The following NAV2 variants were observed in gnomAD, a reference collection of about 807,000 sequenced individuals.
NAV2 encodes neuron navigator 2.
A neutral mutation model predicts 223.2 loss-of-function variants in NAV2; 54 were observed. The ratio of observed to expected loss-of-function variants is 0.24; its 90% confidence interval spans 0.19 to 0.30. The LOEUF is 0.30. Ranked by LOEUF, NAV2 falls within the 10% of genes least tolerant of loss-of-function variation. The probability of loss-of-function intolerance (pLI) is 1.00; values close to 1 mark genes in which losing one functional copy is unlikely to be tolerated. For missense variants in NAV2, 2,806 were observed against 3,147.5 expected (o/e 0.89, Z 2.60); for synonymous variants, 1,279 against 1,239.3 (o/e 1.03, Z -0.67).
chr11:19,561,725 G>T (rs2045104880), intron 1 of NAV2, among the ~76,000 whole-genome samples: 1 of 152,178 alleles, frequency 6.6e-6, no homozygotes, highest in African/African-American at 2.4e-5. Flanking sequence ...TATACCACTT[G>T]GCATTGAATT....
intron 3 of NAV2, among the ~76,000 whole-genome samples, chr11:19,860,382 C>A (rs1217956792): frequency 2.7e-5 from 4 of 149,146 alleles, no homozygotes; most frequent in Admixed American, 2.0e-4. Context: ...ACGCTCCTCA[C>A]ATCCCGGACG....
intron 1 of NAV2, among the ~76,000 whole-genome samples, chr11:19,361,027 T>A (rs1853905564): frequency 6.6e-6 from 1 of 152,088 alleles, no homozygotes; most frequent in Admixed American, 6.6e-5. Flanking sequence ...GTTTCAATCC[T>A]GGCCTCAGAA....
Position 20,119,909 on chromosome 11 carries a change from CAA to C in NAV2, c.*1654_*1655del. On this transcript the variant is annotated 3_prime_UTR_variant, in exon 38 of 38. Coordinates refer to ENST00000349880, the MANE Select transcript of NAV2 (RefSeq NM_145117.5). Reference sequence around the variant, plus strand: ...ATGATCTGTCTGGTGCAGGAGAAGGCAAAAGTTTCTACAAGTCTACATGACCT... The same window carrying C: ...ATGATCTGTCTGGTGCAGGAGAAGGCAAGTTTCTACAAGTCTACATGACCT... The C allele has an allele frequency of 6.6e-6, 1 of 152,248 alleles. No homozygotes were observed. Among genetic ancestry groups the C allele is most frequent in the African/African-American group, 2.4e-5 (1 of 41,534 alleles). The allele number at this position is 152,248 out of a possible 1,614,324, so 9.4% of individuals were successfully genotyped here. A position where few individuals can be genotyped will look rare whatever the true frequency, so the allele number is the denominator to read the frequency against.
At chr11:19,547,699 C>T (rs965260395) in intron 1 of NAV2, among the ~76,000 whole-genome samples, 1 of 152,176 alleles carries the variant, frequency 6.6e-6, no homozygotes, top group South Asian at 2.1e-4. Flanking sequence ...AAGTAGGACC[C>T]CCTCTCTTCC....
intron 1 of NAV2, among the ~76,000 whole-genome samples, chr11:19,440,625 G>A (rs1851367832): frequency 6.6e-6 from 1 of 152,188 alleles, no homozygotes; most frequent in African/African-American, 2.4e-5. Context: ...ACTGTGTTAG[G>A]TTAAGTGCAG....
At chr11:19,956,645 G>T (rs1281199787) in intron 10 of NAV2, among the ~76,000 whole-genome samples, 1 of 152,122 alleles carries the variant, frequency 6.6e-6, no homozygotes, top group African/African-American at 2.4e-5. Context: ...ACGGTGTGGG[G>T]GCGGTGCAGA....
rs980450175 is a variant in NAV2 at position 19,714,148 on chromosome 11, C to T, written c.267+186C>T. On this transcript the variant is annotated intron_variant, in intron 1 of 37. Coordinates refer to ENST00000349880, the MANE Select transcript of NAV2 (RefSeq NM_145117.5). ...AGTGGGCCGGCCGGTGGGTGTGGCC[C>T]GGGTGCCGGAGGTTTGCCTTAAGAG... is the stretch of plus-strand genomic sequence containing the variant. 18 of 871,422 alleles carry T rather than the reference C, an allele frequency of 2.1e-5. No homozygotes were observed. The South Asian group carries it at 2.2e-4, about 11-fold the overall frequency. 54.0% of individuals were successfully genotyped at this position (871,422 alleles called of 1,614,324 possible).
At chr11:19,463,139 ATATC>A (rs1035680928) in intron 1 of NAV2, among the ~76,000 whole-genome samples, 5 of 152,240 alleles carry the variant, frequency 3.3e-5, no homozygotes, top group Admixed American at 6.5e-5. Context: ...AAGACTCCAA[ATATC>A]TATAACTTCA....
At chr11:19,556,397 A>C (rs188836365) in intron 1 of NAV2, among the ~76,000 whole-genome samples, 2 of 152,356 alleles carry the variant, frequency 1.3e-5, no homozygotes, top group African/African-American at 4.8e-5. Flanking sequence ...TGACTGCAAC[A>C]ATATGAACGA....
chr11:19,581,907 AT>A (rs2045731653), intron 1 of NAV2, among the ~76,000 whole-genome samples: 1 of 152,178 alleles, frequency 6.6e-6, no homozygotes, highest in Non-Finnish European at 1.5e-5. Flanking sequence ...GTCAAATGGT[AT>A]TTCTAGTTCT....
Position 20,115,621 on chromosome 11 carries a change from G to A in NAV2, c.7164+826G>A, listed in dbSNP as rs190083174. Among the ~76,000 whole-genome samples the A allele has an allele frequency of 9.7e-3, 784 of 81,108 alleles. 4 individuals are homozygous for A. Among genetic ancestry groups the A allele is most frequent in the Middle Eastern group, 0.054 (3 of 56 alleles). The allele number at this position is 81,108 out of a possible 152,430, so 53.2% of individuals were successfully genotyped here. A position where few individuals can be genotyped will look rare whatever the true frequency, so the allele number is the denominator to read the frequency against. On this transcript the variant is annotated intron_variant, in intron 37 of 37. Coordinates refer to ENST00000349880, the MANE Select transcript of NAV2 (RefSeq NM_145117.5). Reference sequence around the variant, plus strand: ...CACTCCAGCCTGGGCAACAGAGCAAGACTCCGTCTCAAAAAAAAAAAAAAA... The same window carrying A: ...CACTCCAGCCTGGGCAACAGAGCAAAACTCCGTCTCAAAAAAAAAAAAAAA...
chr11:19,716,478 A>C (rs1263763303), intron 1 of NAV2, among the ~76,000 whole-genome samples: 3 of 152,376 alleles, frequency 2.0e-5, no homozygotes, highest in Middle Eastern at 3.4e-3. Context: ...GTAGCTATTT[A>C]TATTGCTAAC....
Position 19,949,083 on chromosome 11 carries a change from A to C in NAV2, c.2645+3A>C. On this transcript the variant is annotated splice_donor_region_variant and intron_variant, in intron 10 of 37. Transcript: ENST00000349880. The stretch of plus-strand genomic sequence containing the variant: ...CGGACCGATGACATTACAAGCGGGT[A>C]AGTACCCGGGGCCGCCCTTTCTCCC... The C allele has an allele frequency of 6.3e-7, 1 of 1,593,756 alleles. No homozygotes were observed. Among genetic ancestry groups the C allele is most frequent in the Non-Finnish European group, 8.6e-7 (1 of 1,167,726 alleles).
intron 1 of NAV2, among the ~76,000 whole-genome samples, chr11:19,692,268 C>A (rs1299831672): frequency 6.6e-6 from 1 of 152,252 alleles, no homozygotes; most frequent in Non-Finnish European, 1.5e-5. Context: ...CAATCTGTGA[C>A]CTGCATGTGA....
chr11:19,785,352 G>A (rs1023376696), intron 1 of NAV2, among the ~76,000 whole-genome samples: 2 of 152,176 alleles, frequency 1.3e-5, no homozygotes, highest in Non-Finnish European at 2.9e-5. Context: ...TATAAAGAGC[G>A]AGAAGAGAGA....
intron 1 of NAV2, among the ~76,000 whole-genome samples, chr11:19,718,340 A>AT (rs1310302174): frequency 3.9e-5 from 6 of 152,242 alleles, no homozygotes; most frequent in Non-Finnish European, 8.8e-5. Context: ...AAGGAAAAAA[A>AT]GAAAAAATAT....
chr11:19,480,582 G>A (rs1334817125), intron 1 of NAV2, among the ~76,000 whole-genome samples: 1 of 152,174 alleles, frequency 6.6e-6, no homozygotes, highest in East Asian at 1.9e-4. Context: ...TATGGGGCCT[G>A]TTTGTTCTTC....
intron 23 of NAV2, 95 bp from the exon 24 acceptor site, chr11:20,077,898 A>C (rs1023107371): frequency 2.1e-6 from 2 of 968,646 alleles, no homozygotes; most frequent in Non-Finnish European, 3.2e-6. Context: ...GAGCTACTTC[A>C]TTCCCGCTCC....
intron 1 of NAV2, among the ~76,000 whole-genome samples, chr11:19,441,475 C>T (rs974691861): frequency 6.6e-6 from 1 of 151,970 alleles, no homozygotes; most frequent in African/African-American, 2.4e-5. Flanking sequence ...CACACACACC[C>T]TTCAACAGGC....
Sources: allele counts gnomAD v4.1 joint callset (sites outside exome capture counted in the v4.1 genomes callset), GRCh38; gene constraint gnomAD v4.1.1; transcripts MANE v1.5; gene names NCBI Gene and HGNC (gene_info 2026-07-23, HGNC 2026-07-21).